Variants in ZNF131 observed in about 807,000 individuals in gnomAD.
ZNF131 encodes the protein zinc finger and BTB domain containing 35.
Under a neutral mutation model 60.0 loss-of-function variants are expected in ZNF131, and 7 were observed. The ratio of observed to expected loss-of-function variants is 0.12; its 90% CI spans 0.07 to 0.22. The LOEUF is 0.22. ZNF131 is among the 10% of genes least tolerant of loss of function. The probability of loss-of-function intolerance (pLI) is 1.00; values close to 1 mark genes in which losing one functional copy is unlikely to be tolerated. For synonymous variants in ZNF131, 257 were observed against 253.2 expected (o/e 1.01, Z -0.14); for missense variants, 493 against 740.9 (o/e 0.67, Z 3.88).
chr5:43,161,034 A>G (rs1296207943), intron 4 of ZNF131, among the ~76,000 whole-genome samples: 1 of 152,092 alleles, frequency 6.6e-6, no homozygotes, highest in Non-Finnish European at 1.5e-5. Flanking sequence ...GTCTATTTCC[A>G]TGGACTTTAT....
intron 3 of ZNF131, among the ~76,000 whole-genome samples, chr5:43,134,422 A>G (rs573042892): frequency 6.6e-6 from 1 of 152,268 alleles, no homozygotes; most frequent in African/African-American, 2.4e-5. Context: ...TGAAAAACTG[A>G]CACTTTTTTC....
At chr5:43,158,054 C>T (rs1020235739) in intron 4 of ZNF131, among the ~76,000 whole-genome samples, 1 of 152,164 alleles carries the variant, frequency 6.6e-6, no homozygotes, top group African/African-American at 2.4e-5. Context: ...CAGCCACCTC[C>T]ACCTTCTGGG....
chr5:43,160,856 T>G (rs138825164), intron 4 of ZNF131, among the ~76,000 whole-genome samples: 9 of 152,112 alleles, frequency 5.9e-5, no homozygotes, highest in African/African-American at 2.2e-4. Context: ...TAATTTTGTA[T>G]TTTTAGTAGA....
chr5:43,169,755 T>C (rs1305274913), intron 5 of ZNF131, among the ~76,000 whole-genome samples: 1 of 152,108 alleles, frequency 6.6e-6, no homozygotes, highest in Non-Finnish European at 1.5e-5. Context: ...ATTTCATTTT[T>C]AAGAGCAGAA....
intron 5 of ZNF131, among the ~76,000 whole-genome samples, chr5:43,162,910 GAAA>G (rs200731861): frequency 1.5e-3 from 100 of 66,758 alleles, no homozygotes; most frequent in Middle Eastern, 0.02. Flanking sequence ...TGTCTCAAGG[GAAA>G]AAAAAAAAAA....
At chr5:43,169,303 A>T (rs970021967) in intron 5 of ZNF131, among the ~76,000 whole-genome samples, 2 of 152,150 alleles carry the variant, frequency 1.3e-5, no homozygotes, top group African/African-American at 2.4e-5. Flanking sequence ...AAAATAATTA[A>T]TATGTTTCTA....
chr5:43,159,650 G>C (rs1266149071), intron 4 of ZNF131, among the ~76,000 whole-genome samples: 1 of 145,286 alleles, frequency 6.9e-6, no homozygotes, highest in Admixed American at 7.1e-5. Flanking sequence ...AGCCAAGATC[G>C]TGCCACTGCA....
intron 4 of ZNF131, among the ~76,000 whole-genome samples, chr5:43,156,303 A>G (rs926489800): frequency 6.6e-6 from 1 of 152,212 alleles, no homozygotes; most frequent in Non-Finnish European, 1.5e-5. Context: ...TGACATAGCC[A>G]TGGAAGCTTG....
rs536170721 is a variant in ZNF131 at position 43,151,991 on chromosome 5, C to T, written c.372-9258C>T. ...GACTGAGGACAGGACAGTCAGTTGACTTCTTTCCTATTTATTTATTTATTT... is the reference window on the plus strand; with the variant it reads ...GACTGAGGACAGGACAGTCAGTTGATTTCTTTCCTATTTATTTATTTATTT... On this transcript the variant is annotated intron_variant, in intron 4 of 6. Coordinates refer to ENST00000682664, the MANE Select transcript of ZNF131 (RefSeq NM_001330707.2). 1.0e-2 allele frequency among the ~76,000 whole-genome samples: 805 copies of T among 80,566 alleles called. 3 individuals are homozygous for T. The highest frequency in any genetic ancestry group is 0.037 in the African/African-American group (773 of 20,884). 52.9% of individuals were successfully genotyped at this position (80,566 alleles called of 152,430 possible). A position where few individuals can be genotyped will look rare whatever the true frequency, so the allele number is the denominator to read the frequency against.
intron 3 of ZNF131, among the ~76,000 whole-genome samples, chr5:43,137,178 G>A (rs774613244): frequency 1.3e-5 from 2 of 152,066 alleles, no homozygotes; most frequent in Non-Finnish European, 2.9e-5. Flanking sequence ...GACGTCAAAA[G>A]CACAGCCAAC....
intron 5 of ZNF131, among the ~76,000 whole-genome samples, chr5:43,165,879 G>T (rs12657208): frequency 0.095 from 14,439 of 152,300 alleles, 812 homozygotes; most frequent in East Asian, 0.19. Context: ...ATCTGTTGTT[G>T]AGTGTAGCCA....
At chr5:43,159,714 C>A (rs199596299) in intron 4 of ZNF131, among the ~76,000 whole-genome samples, 2,666 of 133,360 alleles carry the variant, frequency 0.02, 88 homozygotes, top group African/African-American at 0.065. Flanking sequence ...AAAAAAAAAA[C>A]CAAACAAAAA....
rs376703225 is a variant in ZNF131, at chr5:43,161,396, C to A, written c.519C>A (p.Ala173=). Residue 173 remains alanine (A), a synonymous_variant, in exon 5 of 7, where the codon GCC becomes GCA. Coordinates refer to ENST00000682664, the MANE Select transcript of ZNF131 (RefSeq NM_001330707.2). ...CTGTTGAAATTGAGGTAGAGATTGC[C>A]GAAGGCACCATTGAAGTGGAAGATG... is the stretch of plus-strand genomic sequence containing the variant. ...SEPVEIEVEI[A]EGTIEVEDEG... 6.2e-7 allele frequency: 1 copy of A among 1,614,170 alleles called. No individual in the cohort carries two copies. Among genetic ancestry groups the A allele is most frequent in the Non-Finnish European group, 8.5e-7 (1 of 1,180,046 alleles).
rs1751479179 is a variant in ZNF131, at chr5:43,175,481, C to T, written c.*348C>T. On this transcript the variant is annotated 3_prime_UTR_variant, in exon 7 of 7. Coordinates refer to ENST00000682664, the MANE Select transcript of ZNF131 (RefSeq NM_001330707.2). ...GTCATGTTCTTCCTCAAATTTTTTC[C>T]ATATTGTAAAATCAAACTTAAATCA... 2.9e-6 allele frequency: 2 copies of T among 698,474 alleles called. No individual in the cohort carries two copies. The highest frequency in any genetic ancestry group is 2.7e-5 in the East Asian group (1 of 37,198). The allele number at this position is 698,474 out of a possible 1,614,324, so 43.3% of individuals were successfully genotyped here. A position where few individuals can be genotyped will look rare whatever the true frequency, so the allele number is the denominator to read the frequency against.
At chr5:43,137,960 T>C (rs1046445389) in intron 3 of ZNF131, among the ~76,000 whole-genome samples, 1 of 152,246 alleles carries the variant, frequency 6.6e-6, no homozygotes, top group African/African-American at 2.4e-5. Context: ...CTAAGTGAAG[T>C]AAGCCAGTCA....
intron 3 of ZNF131, among the ~76,000 whole-genome samples, chr5:43,132,765 G>A (rs759303896): frequency 6.6e-6 from 1 of 152,006 alleles, no homozygotes; most frequent in Non-Finnish European, 1.5e-5. Context: ...TGCCCACCTC[G>A]TCCTCCCAAA....
intron 3 of ZNF131, among the ~76,000 whole-genome samples, chr5:43,134,697 T>TTC (rs1554064578): frequency 2.2e-5 from 3 of 135,006 alleles, no homozygotes; most frequent in Non-Finnish European, 3.2e-5. Context: ...TTTTTTCTTT[T>TTC]TTTTTTTTTT....
At chr5:43,169,340 A>G (rs1280425188) in intron 5 of ZNF131, among the ~76,000 whole-genome samples, 1 of 152,220 alleles carries the variant, frequency 6.6e-6, no homozygotes, top group African/African-American at 2.4e-5. Flanking sequence ...AGTTTACTTA[A>G]TTTTTTAAAT....
intron 3 of ZNF131, among the ~76,000 whole-genome samples, chr5:43,138,941 C>G (rs1034325294): frequency 2.0e-5 from 3 of 152,156 alleles, no homozygotes; most frequent in African/African-American, 7.2e-5. Flanking sequence ...TCTTACTGTT[C>G]TCCAAGAGCC....
Sources: allele counts gnomAD v4.1 joint callset (sites outside exome capture counted in the v4.1 genomes callset), GRCh38; gene constraint gnomAD v4.1.1; transcripts MANE v1.5; gene names NCBI Gene and HGNC (gene_info 2026-07-23, HGNC 2026-07-21).